SUPT3H: variants seen among roughly 807,000 people sequenced by gnomAD.
SUPT3H encodes the protein transcription initiation protein SPT3 homolog.
SUPT3H carries 44 observed loss-of-function variants against 44.3 expected under a neutral mutation model. That is an observed-to-expected ratio of 0.99 (90% CI 0.78 to 1.28). The LOEUF (loss-of-function observed/expected upper bound fraction) is 1.28, where lower values mean the gene tolerates loss of function less well. Among genes scored for constraint, SUPT3H ranks in the 50% most tolerant of loss-of-function variants. The pLI, the probability that SUPT3H is intolerant of heterozygous loss-of-function variation, is 0.00. For synonymous variants in SUPT3H, 124 were observed against 125.6 expected, an observed-to-expected ratio of 0.99 and a Z score of 0.09; for missense variants, 380 against 387.1, an observed-to-expected ratio of 0.98 and a Z score of 0.15.
At chr6:45,250,855 C>T (rs1189220131) in intron 2 of SUPT3H, 1 of 151,822 alleles carries the variant, frequency 6.6e-6, no homozygotes, top group Non-Finnish European at 1.5e-5. Flanking sequence ...GAGACAGAGT[C>T]TTGCTCAGTC....
At chr6:44,836,506 T>TG (rs1229850939) in intron 10 of SUPT3H, among the ~76,000 whole-genome samples, 9 of 152,144 alleles carry the variant, frequency 5.9e-5, no homozygotes, top group Non-Finnish European at 1.3e-4. Flanking sequence ...CCAGAGCCCA[T>TG]AAATCTTGAG....
At chr6:45,001,066 T>C (rs968177230) in intron 6 of SUPT3H, among the ~76,000 whole-genome samples, 3 of 152,076 alleles carry the variant, frequency 2.0e-5, no homozygotes, top group African/African-American at 7.2e-5. Context: ...ACAAGAAAAC[T>C]CAAAGCTATT....
Position 45,365,627 on chromosome 6 carries a change from G to A in SUPT3H, c.1-326C>T, listed in dbSNP as rs955179059. Among the ~76,000 whole-genome samples, 3 of 147,830 alleles carry A rather than the reference G, an allele frequency of 2.0e-5. No individual in the cohort carries two copies. The Admixed American group carries it at 2.1e-4, about 10-fold the overall frequency. ...ATTGGTTTTCAAAATGTGCTTCAGG[G>A]AGCCCTACGGTTCATCAGCAATGCT... On this transcript the variant is annotated intron_variant, in intron 1 of 10. Transcript: ENST00000371459.
chr6:45,137,101 T>G (rs1804416742), intron 2 of SUPT3H, among the ~76,000 whole-genome samples: 1 of 152,092 alleles, frequency 6.6e-6, no homozygotes, highest in South Asian at 2.1e-4. Flanking sequence ...TGGAATATGT[T>G]AGAAGGGCTA....
At chr6:44,911,789 C>T (rs1767093400) in intron 10 of SUPT3H, among the ~76,000 whole-genome samples, 1 of 152,134 alleles carries the variant, frequency 6.6e-6, no homozygotes, top group Non-Finnish European at 1.5e-5. Flanking sequence ...TTTGCAACTG[C>T]TGTGGATACT....
At chr6:44,970,383 G>T (rs1274899180) in intron 6 of SUPT3H, among the ~76,000 whole-genome samples, 2 of 152,102 alleles carry the variant, frequency 1.3e-5, no homozygotes, top group Non-Finnish European at 2.9e-5. Flanking sequence ...TACCTGTCAA[G>T]TTGTAAATCC....
rs373417407 is a variant in SUPT3H at position 45,114,978 on chromosome 6, C to T, written c.102-8972G>A. Among the ~76,000 whole-genome samples the T allele has an allele frequency of 1.1e-4, 16 of 152,234 alleles. No individual in the cohort carries two copies. In the East Asian group the frequency reaches 2.3e-3, roughly 22 times the overall value. On this transcript the variant is annotated intron_variant, in intron 2 of 10. Coordinates refer to ENST00000371459, the MANE Select transcript of SUPT3H (RefSeq NM_003599.4). ...ATTGTACAACAACACGCTAAATGAA[C>T]ATCTATTAAGCCTCCAAAACATTTA...
chr6:45,011,747 T>C (rs1402316009), intron 5 of SUPT3H, among the ~76,000 whole-genome samples: 7 of 152,054 alleles, frequency 4.6e-5, no homozygotes, highest in African/African-American at 1.7e-4. Context: ...GCAGCTTGCT[T>C]TTAGACAACT....
chr6:44,811,776 C>T (rs937086556), intron 11 of SUPT3H, among the ~76,000 whole-genome samples: 1 of 152,174 alleles, frequency 6.6e-6, no homozygotes, highest in Admixed American at 6.5e-5. Context: ...AGCATGGCTT[C>T]CTGCATACCT....
At chr6:45,210,705 C>T (rs1763948060) in intron 2 of SUPT3H, among the ~76,000 whole-genome samples, 2 of 152,186 alleles carry the variant, frequency 1.3e-5, no homozygotes, top group South Asian at 4.1e-4. Flanking sequence ...ACTTTCTAAA[C>T]TGATTGAGAT....
intron 2 of SUPT3H, among the ~76,000 whole-genome samples, chr6:45,168,657 G>A (rs1810304420): frequency 1.3e-5 from 2 of 152,120 alleles, no homozygotes; most frequent in African/African-American, 4.8e-5. Context: ...TAAACCCTGA[G>A]CCTAAATCTC....
chr6:44,920,018 A>C (rs1039229736), intron 10 of SUPT3H, among the ~76,000 whole-genome samples: 2 of 151,988 alleles, frequency 1.3e-5, no homozygotes, highest in Admixed American at 6.6e-5. Flanking sequence ...AGCTGGGATT[A>C]CAGGCGCATG....
chr6:45,043,134 T>TACACAC (rs773611251), intron 3 of SUPT3H, among the ~76,000 whole-genome samples: 66 of 50,550 alleles, frequency 1.3e-3, no homozygotes, highest in African/African-American at 4.6e-3. Context: ...GTATCTTACA[T>TACACAC]ACACACATAC....
chr6:45,194,851 T>C (rs1220815804), intron 2 of SUPT3H, among the ~76,000 whole-genome samples: 1 of 152,180 alleles, frequency 6.6e-6, no homozygotes, highest in Non-Finnish European at 1.5e-5. Flanking sequence ...AATCTCAGAA[T>C]GCTTAGCAAT....
chr6:45,372,415 A>T (rs972815089), intron 1 of SUPT3H, among the ~76,000 whole-genome samples: 1 of 152,246 alleles, frequency 6.6e-6, no homozygotes, highest in Non-Finnish European at 1.5e-5. Context: ...GTATATTCTC[A>T]AAGAATGTTA....
chr6:45,376,454 A>C (rs1433888657), intron 1 of SUPT3H, among the ~76,000 whole-genome samples: 1 of 152,256 alleles, frequency 6.6e-6, no homozygotes, highest in Non-Finnish European at 1.5e-5. Context: ...AATAAAATTA[A>C]AAATTAAGTT....
chr6:45,356,690 C>T (rs1324574710), intron 2 of SUPT3H, among the ~76,000 whole-genome samples: 1 of 152,144 alleles, frequency 6.6e-6, no homozygotes, highest in Non-Finnish European at 1.5e-5. Flanking sequence ...TAGGTGTGAG[C>T]CACCTCGCCT....
chr6:44,977,804 C>T (rs1778545308), intron 6 of SUPT3H, among the ~76,000 whole-genome samples: 1 of 152,146 alleles, frequency 6.6e-6, no homozygotes, highest in Non-Finnish European at 1.5e-5. Flanking sequence ...CATGTTACAA[C>T]TTTAGAGATG....
downstream of SUPT3H, among the ~76,000 whole-genome samples, chr6:44,822,915 C>T (rs573632067): frequency 3.3e-5 from 5 of 151,804 alleles, no homozygotes; most frequent in East Asian, 9.7e-4. Context: ...GTGAGGAGTT[C>T]AAGACCAGCC....
Sources: gnomAD v4.1 joint callset for allele counts (sites outside exome capture counted in the v4.1 genomes callset) on GRCh38, gnomAD v4.1.1 for gene constraint, MANE v1.5 for transcripts, NCBI Gene and HGNC (gene_info 2026-07-23, HGNC 2026-07-21) for gene names.